Variants in SKAP2 observed in about 807,000 individuals in gnomAD.
The protein encoded by SKAP2 is src kinase-associated phosphoprotein 2.
SKAP2 carries 28 observed loss-of-function variants against 54.9 expected under a neutral mutation model. The observed-to-expected ratio is 0.51, with a 90% confidence interval of 0.38 to 0.70. SKAP2 has a LOEUF of 0.70. Among genes scored for constraint, SKAP2 ranks in the 30% least tolerant of loss-of-function variants. SKAP2 has a pLI of 0.00. For missense variants in SKAP2, 356 were observed against 424.1 expected, an observed-to-expected ratio of 0.84 and a Z score of 1.41; for synonymous variants, 137 against 134.3, an observed-to-expected ratio of 1.02 and a Z score of -0.14.
chr7:26,767,420 T>C (rs995932453), intron 4 of SKAP2, among the ~76,000 whole-genome samples: 1 of 152,222 alleles, frequency 6.6e-6, no homozygotes, highest in African/African-American at 2.4e-5. Flanking sequence ...AACCAGTTCC[T>C]GAATTCATTG....
intron 4 of SKAP2, among the ~76,000 whole-genome samples, chr7:26,783,176 T>A (rs1426044809): frequency 1.3e-5 from 2 of 152,184 alleles, no homozygotes; most frequent in Non-Finnish European, 2.9e-5. Flanking sequence ...GTGGAATGTA[T>A]CATTCCCCAT....
chr7:26,856,607 T>C (rs964100493), intron 1 of SKAP2, among the ~76,000 whole-genome samples: 3 of 152,162 alleles, frequency 2.0e-5, no homozygotes, highest in Non-Finnish European at 4.4e-5. Context: ...AAGCAACCTT[T>C]GGATATTTCG....
chr7:26,842,867 A>G (rs2127995539), intron 4 of SKAP2, among the ~76,000 whole-genome samples: 1 of 150,528 alleles, frequency 6.6e-6, no homozygotes, highest in East Asian at 1.9e-4. Context: ...AAAAGATAGA[A>G]AGTGAATATA....
chr7:26,803,778 T>C (rs1322926898), intron 4 of SKAP2, among the ~76,000 whole-genome samples: 1 of 152,216 alleles, frequency 6.6e-6, no homozygotes, highest in Non-Finnish European at 1.5e-5. Context: ...AATGGAGTAC[T>C]ATTCAGCCAT....
chr7:26,822,531 G>A (rs1784402800), intron 4 of SKAP2, among the ~76,000 whole-genome samples: 1 of 151,884 alleles, frequency 6.6e-6, no homozygotes, highest in South Asian at 2.1e-4. Flanking sequence ...GCCTCTCCTT[G>A]GGCTTCCTTA....
At chr7:26,688,303 A>G (rs561541342) in intron 10 of SKAP2, among the ~76,000 whole-genome samples, 2 of 152,348 alleles carry the variant, frequency 1.3e-5, no homozygotes, top group East Asian at 3.9e-4. Context: ...ACTCATCCAC[A>G]TATCTGCAAG....
chr7:26,701,891 T>C (rs1787035371), intron 9 of SKAP2, among the ~76,000 whole-genome samples: 1 of 152,166 alleles, frequency 6.6e-6, no homozygotes, highest in Admixed American at 6.5e-5. Context: ...TTGTTTGTCA[T>C]TAATACCACA....
In SKAP2 at chr7:26,737,766, C is replaced by T. The variant is rs561972158; in HGVS notation, c.469+1029G>A. On this transcript the variant is annotated intron_variant, in intron 6 of 12. Transcript: ENST00000345317. ...AATAAAACAAAACTCAGAAAGCTTA[C>T]AATCTTTAAATTTCATTATTTGGTG... Among the ~76,000 whole-genome samples, 7 of 152,268 alleles carry T rather than the reference C, an allele frequency of 4.6e-5. No individual in the cohort carries two copies. In the South Asian group the frequency reaches 1.2e-3, roughly 27 times the overall value.
chr7:26,738,655 T>C, intron 6 of SKAP2, 140 bp downstream of exon 6: 1 of 564,668 alleles, frequency 1.8e-6, no homozygotes, highest in South Asian at 2.5e-5. Flanking sequence ...AAATGAATCA[T>C]AAATTAGTCA....
chr7:26,682,452 T>C (rs1183008947), intron 11 of SKAP2, among the ~76,000 whole-genome samples: 2 of 152,188 alleles, frequency 1.3e-5, no homozygotes, highest in Non-Finnish European at 2.9e-5. Context: ...CTCACCAAGA[T>C]TTACCAGGTT....
At chr7:26,674,434 G>GT (rs1786308992) in intron 11 of SKAP2, among the ~76,000 whole-genome samples, 2 of 152,084 alleles carry the variant, frequency 1.3e-5, no homozygotes, top group South Asian at 4.1e-4. Context: ...TAGAAACTTT[G>GT]TAAGAATCCT....
intron 4 of SKAP2, among the ~76,000 whole-genome samples, chr7:26,770,351 C>T (rs1286531329): frequency 6.6e-6 from 1 of 152,160 alleles, no homozygotes; most frequent in East Asian, 1.9e-4. Flanking sequence ...GCTACACTGG[C>T]AGTGAGAATT....
intron 3 of SKAP2, among the ~76,000 whole-genome samples, chr7:26,846,298 T>C (rs562159942): frequency 6.6e-6 from 1 of 152,228 alleles, no homozygotes; most frequent in East Asian, 1.9e-4. Context: ...ATAGCAAAGA[T>C]TTTGAAAAAA....
At chr7:26,841,735 T>C (rs1784821093) in intron 4 of SKAP2, among the ~76,000 whole-genome samples, 1 of 152,052 alleles carries the variant, frequency 6.6e-6, no homozygotes, top group South Asian at 2.1e-4. Context: ...TGTGCAGGTT[T>C]GACCTTTTCA....
chr7:26,825,542 A>G (rs187621319), intron 4 of SKAP2, among the ~76,000 whole-genome samples: 257 of 150,920 alleles, frequency 1.7e-3, no homozygotes, highest in Middle Eastern at 0.01. Context: ...ATACATTGCT[A>G]AAAAGAGAAA....
At chr7:26,664,728 GAAAA>G (rs372243207), downstream of SKAP2, among the ~76,000 whole-genome samples, 11 of 111,082 alleles carry the variant, frequency 9.9e-5, no homozygotes, top group East Asian at 1.7e-3. Context: ...AAACTGAAAA[GAAAA>G]AAAAAAAAAA....
chr7:26,814,227 A>G (rs484426), intron 4 of SKAP2, among the ~76,000 whole-genome samples: 66,134 of 152,054 alleles, frequency 0.43, 15,263 homozygotes, highest in East Asian at 0.56. Flanking sequence ...AAAATTTGAT[A>G]TAATTGTTGT....
intron 9 of SKAP2, among the ~76,000 whole-genome samples, chr7:26,711,180 C>T (rs1342568113): frequency 2.0e-5 from 3 of 152,054 alleles, no homozygotes; most frequent in Non-Finnish European, 4.4e-5. Context: ...GAAGCAGTGA[C>T]TATAAAGGTT....
chr7:26,657,121 A>G, the SKAP2 span, among the ~76,000 whole-genome samples: 1 of 152,238 alleles, frequency 6.6e-6, no homozygotes, highest in African/African-American at 2.4e-5. Flanking sequence ...CTCATCAACC[A>G]ATGTAAAAGA....
Sources: gnomAD v4.1 joint callset for allele counts (sites outside exome capture counted in the v4.1 genomes callset) on GRCh38, gnomAD v4.1.1 for gene constraint, MANE v1.5 for transcripts, NCBI Gene and HGNC (gene_info 2026-07-23, HGNC 2026-07-21) for gene names.